OSGEPL1: variants seen among roughly 807,000 people sequenced by gnomAD.
The protein encoded by OSGEPL1 is tRNA N6-adenosine threonylcarbamoyltransferase, mitochondrial.
In OSGEPL1, 26 loss-of-function variants were observed where a neutral mutation model predicts 37.2. That is an observed-to-expected ratio of 0.70 (90% CI 0.51 to 0.97). The LOEUF (loss-of-function observed/expected upper bound fraction) is 0.97, where lower values mean the gene tolerates loss of function less well. OSGEPL1 is among the 50% of genes least tolerant of loss of function. The pLI, the probability that OSGEPL1 is intolerant of heterozygous loss-of-function variation, is 0.00. For synonymous variants in OSGEPL1, 140 were observed against 159.9 expected (o/e 0.88, Z 0.94); for missense variants, 404 against 487.0 (o/e 0.83, Z 1.60).
chr2:189,762,795 C>T, upstream of OSGEPL1: 1 of 983,496 alleles, frequency 1.0e-6, no homozygotes, highest in Non-Finnish European at 1.2e-6. Context: ...GAAGTGATGT[C>T]ATCGGAACTG....
At chr2:189,760,690 C>A (rs1044064890) in intron 2 of OSGEPL1, among the ~76,000 whole-genome samples, 1 of 141,410 alleles carries the variant, frequency 7.1e-6, no homozygotes, top group African/African-American at 2.8e-5. Context: ...ACTTGGGAGG[C>A]TGAGACAGGG....
At chr2:189,757,183 C>T (rs528282238) in intron 2 of OSGEPL1, among the ~76,000 whole-genome samples, 1 of 152,202 alleles carries the variant, frequency 6.6e-6, no homozygotes, top group Non-Finnish European at 1.5e-5. Flanking sequence ...AGAGTCTGTG[C>T]AAAAGACAAT....
intron 8 of OSGEPL1, among the ~76,000 whole-genome samples, chr2:189,748,275 T>C (rs2044475323): frequency 6.6e-6 from 1 of 152,220 alleles, no homozygotes; most frequent in Non-Finnish European, 1.5e-5. Flanking sequence ...CAATCATAGC[T>C]CACTGTAGCC....
chr2:189,759,227 A>T (rs374460469), intron 2 of OSGEPL1, among the ~76,000 whole-genome samples: 44 of 151,260 alleles, frequency 2.9e-4, no homozygotes, highest in African/African-American at 9.9e-4. Context: ...CCCTCCCGTA[A>T]TTCTATGAGG....
rs1316320466 is a variant in OSGEPL1 at position 189,755,280 on chromosome 2, G to T, written c.502C>A (p.Leu168Ile). Residue 168 changes from leucine (L) to isoleucine (I), a missense_variant, in exon 3 of 9, where the codon CTT (leucine) becomes ATT (isoleucine). Coordinates refer to ENST00000264151, the MANE Select transcript of OSGEPL1 (RefSeq NM_022353.3). Reference sequence around the variant, plus strand: ...AGACAGTGACCTCCAGAAATCAAAAGAACTAAAAAAGGAAATTCTACTTTA... The same window carrying T: ...AGACAGTGACCTCCAGAAATCAAAATAACTAAAAAAGGAAATTCTACTTTA... ...TNKVEFPFLV[L>I]LISGGHCLLA... The T allele has an allele frequency of 1.2e-6, 2 of 1,613,026 alleles. No homozygotes were observed. Among genetic ancestry groups the T allele is most frequent in the East Asian group, 4.5e-5 (2 of 44,870 alleles).
intron 7 of OSGEPL1, among the ~76,000 whole-genome samples, chr2:189,751,297 A>G (rs2045159623): frequency 6.6e-6 from 1 of 152,178 alleles, no homozygotes; most frequent in Admixed American, 6.5e-5. Flanking sequence ...GCATAACTGA[A>G]TCAGAGGATA....
At chr2:189,751,797 T>C (rs562027554) in intron 7 of OSGEPL1, among the ~76,000 whole-genome samples, 3 of 143,012 alleles carry the variant, frequency 2.1e-5, no homozygotes, top group African/African-American at 7.8e-5. Flanking sequence ...AATATAATTA[T>C]TTATGAAAAT....
chr2:189,753,803 G>C, intron 5 of OSGEPL1, 113 bp downstream of exon 5: 1 of 1,137,272 alleles, frequency 8.8e-7, no homozygotes, highest in Non-Finnish European at 1.2e-6. Flanking sequence ...CATACTGTCA[G>C]GGCTAGCATA....
Position 189,761,539 on chromosome 2 carries a change from A to C in OSGEPL1, c.102T>G (p.Phe34Leu). 6.2e-7 allele frequency: 1 copy of C among 1,612,302 alleles called. No homozygotes were observed. The highest frequency in any genetic ancestry group is 8.5e-7 in the Non-Finnish European group (1 of 1,179,430). Residue 34 changes from phenylalanine (F) to leucine (L), a missense_variant, in exon 2 of 9, where the codon TTT becomes TTG. Coordinates refer to ENST00000264151, the MANE Select transcript of OSGEPL1 (RefSeq NM_022353.3). ...CAATTCCCAATACTATTTTATGAAG[A>C]AATAGTGTTCCAGGATGAAAATTAA... ...RSFNFHPGTL[F>L]LHKIVLGIET...
At chr2:189,760,915 C>T (rs1171009295) in intron 2 of OSGEPL1, among the ~76,000 whole-genome samples, 1 of 152,210 alleles carries the variant, frequency 6.6e-6, no homozygotes, top group Non-Finnish European at 1.5e-5. Context: ...CTCCTCCAGA[C>T]ATTTTCCACT....
At chr2:189,747,218 A>T (rs1382346857) in intron 8 of OSGEPL1, 50 bp from the exon 9 acceptor site, 1 of 152,156 alleles carries the variant, frequency 6.6e-6, no homozygotes, top group Non-Finnish European at 1.5e-5. Context: ...GCACACCTGT[A>T]GTCCCGGCTA....
At chr2:189,756,076 T>C (rs1025813192) in intron 2 of OSGEPL1, among the ~76,000 whole-genome samples, 1 of 152,208 alleles carries the variant, frequency 6.6e-6, no homozygotes, top group African/African-American at 2.4e-5. Context: ...TGTTCAGCTA[T>C]TCAGCTGGAA....
chr2:189,756,668 C>G (rs2046135010), intron 2 of OSGEPL1, among the ~76,000 whole-genome samples: 1 of 152,106 alleles, frequency 6.6e-6, no homozygotes, highest in Non-Finnish European at 1.5e-5. Flanking sequence ...CCTTGGGTTT[C>G]AAAGTTCATC....
At chr2:189,760,817 G>T (rs564053384) in intron 2 of OSGEPL1, among the ~76,000 whole-genome samples, 57 of 152,134 alleles carry the variant, frequency 3.7e-4, no homozygotes, top group Non-Finnish European at 6.8e-4. Flanking sequence ...AAAAAATCTG[G>T]ATTTCCATTT....
intron 2 of OSGEPL1, among the ~76,000 whole-genome samples, chr2:189,756,239 T>C (rs2046064536): frequency 6.6e-6 from 1 of 152,142 alleles, no homozygotes; most frequent in African/African-American, 2.4e-5. Flanking sequence ...GTGCTCAGAG[T>C]TTGTAATTTG....
At chr2:189,750,941 A>G (rs981663426) in intron 7 of OSGEPL1, among the ~76,000 whole-genome samples, 6 of 152,240 alleles carry the variant, frequency 3.9e-5, no homozygotes. Context: ...AAATATAAAA[A>G]TAATGAAAAA....
At position 189,746,903 on chromosome 2, in the gene OSGEPL1, G is replaced by T. The variant is rs1017511110; in HGVS notation, c.*294C>A. ...GTGGTATAACTAGTGTATATATCAA[G>T]AGTTAACATTTTTAAATTGGTGTGC... On this transcript the variant is annotated 3_prime_UTR_variant, in exon 9 of 9. Coordinates refer to ENST00000264151, the MANE Select transcript of OSGEPL1 (RefSeq NM_022353.3). The T allele has an allele frequency of 2.8e-5, 6 of 213,332 alleles. No homozygotes were observed. Among genetic ancestry groups the T allele is most frequent in the Admixed American group, 5.7e-5 (1 of 17,546 alleles). The allele number at this position is 213,332 out of a possible 1,614,324, so 13.2% of individuals were successfully genotyped here.
chr2:189,754,376 A>C, intron 3 of OSGEPL1, 31 bp from the exon 4 acceptor site: 2 of 1,545,562 alleles, frequency 1.3e-6, no homozygotes, highest in Non-Finnish European at 1.8e-6. Context: ...TTAGAGTCAT[A>C]AAATTAAATA....
intron 7 of OSGEPL1, 76 bp from the exon 8 acceptor site, chr2:189,750,732 G>C: frequency 9.9e-7 from 1 of 1,010,234 alleles, no homozygotes; most frequent in Non-Finnish European, 1.4e-6. Flanking sequence ...TATTTGCTTA[G>C]AATTCTGATG....
Sources: gnomAD v4.1 joint callset for allele counts (sites outside exome capture counted in the v4.1 genomes callset) on GRCh38, gnomAD v4.1.1 for gene constraint, MANE v1.5 for transcripts, NCBI Gene and HGNC (gene_info 2026-07-23, HGNC 2026-07-21) for gene names.